ITGB5: variants seen among roughly 807,000 people sequenced by gnomAD.
ITGB5 encodes the protein integrin beta-5.
ITGB5 carries 38 observed loss-of-function variants against 84.8 expected under a neutral mutation model. The observed-to-expected ratio is 0.45, with a 90% CI of 0.35 to 0.59. The LOEUF is 0.59. Among genes scored for constraint, ITGB5 ranks in the 20% least tolerant of loss-of-function variants. The pLI is 0.01. For synonymous variants in ITGB5, 393 were observed against 414.4 expected (o/e 0.95, Z 0.63); for missense variants, 905 against 1,034.5 (o/e 0.87, Z 1.72).
chr3:124,868,178 G>A (rs2065420453), intron 2 of ITGB5, among the ~76,000 whole-genome samples: 1 of 152,172 alleles, frequency 6.6e-6, no homozygotes, highest in South Asian at 2.1e-4. Flanking sequence ...CGAACTGTGA[G>A]TCAATTCAAC....
chr3:124,773,981 C>T, intron 10 of ITGB5, 69 bp from the exon 11 acceptor site: 1 of 1,390,932 alleles, frequency 7.2e-7, no homozygotes, highest in Non-Finnish European at 1.0e-6. Flanking sequence ...CATCTGGTGC[C>T]CCACATGCCA....
At chr3:124,846,887 A>T (rs1313372579) in intron 4 of ITGB5, among the ~76,000 whole-genome samples, 4 of 152,190 alleles carry the variant, frequency 2.6e-5, no homozygotes, top group Non-Finnish European at 5.9e-5. Flanking sequence ...GGGAGCCGAG[A>T]TTGCACCACT....
chr3:124,810,522 C>T (rs752319221), intron 8 of ITGB5, among the ~76,000 whole-genome samples: 1 of 152,056 alleles, frequency 6.6e-6, no homozygotes, highest in East Asian at 1.9e-4. Context: ...CGCTTGAGCC[C>T]AGGAGTTCAA....
At chr3:124,767,537 A>G (rs1319807902) in intron 12 of ITGB5, among the ~76,000 whole-genome samples, 3 of 152,346 alleles carry the variant, frequency 2.0e-5, no homozygotes, top group Middle Eastern at 3.4e-3. Flanking sequence ...TCCTTGGGCC[A>G]CAGGAAGGCA....
At chr3:124,834,411 GAAAGAAAGAAAGAAGGAAAC>G (rs985693462) in intron 5 of ITGB5, among the ~76,000 whole-genome samples, 11 of 141,112 alleles carry the variant, frequency 7.8e-5, no homozygotes, top group South Asian at 2.3e-4. Flanking sequence ...TCTACTGAAA[GAAAGAAAGAAAGAAGGAAAC>G]AAAGAAAGAA....
rs1366535439 is a variant in ITGB5, at chr3:124,764,501, G to A, written c.2194C>T (p.Leu732Phe). The A allele has an allele frequency of 1.9e-6, 3 of 1,613,936 alleles. No homozygotes were observed. Among genetic ancestry groups the A allele is most frequent in the African/African-American group, 2.7e-5 (2 of 74,914 alleles). Residue 732 changes from leucine to phenylalanine, a missense_variant, in exon 14 of 15, where the codon CTC (leucine) becomes TTC (phenylalanine). By Grantham distance (22) the Leu-to-Phe change is conservative (BLOSUM62 0). This residue lies in a region of ITGB5 where 133 missense variants were observed against 122.8 expected (regional missense o/e 1.08). Transcript: ENST00000296181. ...GCCAGGAGTGCAAGCCCAACAAGGA[G>A]GATGCTACCGACCACAGCCAGGAGG... ...TILLAVVGSI[L>F]LVGLALLAIW...
At chr3:124,830,342 G>A (rs1048346673) in intron 5 of ITGB5, among the ~76,000 whole-genome samples, 4 of 152,200 alleles carry the variant, frequency 2.6e-5, no homozygotes, top group Non-Finnish European at 4.4e-5. Flanking sequence ...GAAGCCAACA[G>A]GAGCCAGGAA....
At chr3:124,886,391 T>C (rs1441511853) in intron 1 of ITGB5, among the ~76,000 whole-genome samples, 2 of 152,190 alleles carry the variant, frequency 1.3e-5, no homozygotes, top group East Asian at 3.9e-4. Context: ...GCGGCTAGCC[T>C]AGGCGCAGCG....
At chr3:124,874,232 T>C (rs1034941070) in intron 1 of ITGB5, among the ~76,000 whole-genome samples, 1 of 147,810 alleles carries the variant, frequency 6.8e-6, no homozygotes, top group Non-Finnish European at 1.5e-5. Context: ...GGTGTGGTAG[T>C]GTGCACTTTG....
At chr3:124,823,628 T>A (rs1425429640) in intron 5 of ITGB5, among the ~76,000 whole-genome samples, 1 of 148,872 alleles carries the variant, frequency 6.7e-6, no homozygotes, top group Non-Finnish European at 1.5e-5. Context: ...AGTATATATA[T>A]AAACTATATA....
At chr3:124,866,121 G>A (rs114915840) in intron 2 of ITGB5, among the ~76,000 whole-genome samples, 2,519 of 150,568 alleles carry the variant, frequency 0.017, 33 homozygotes, top group South Asian at 0.04. Context: ...TCAGCCTCCC[G>A]AATAGCTGGG....
At chr3:124,763,762 C>A (rs2150917034) in intron 14 of ITGB5, 44 bp from the exon 15 acceptor site, 2 of 1,182,062 alleles carry the variant, frequency 1.7e-6, no homozygotes, top group East Asian at 2.3e-5. Flanking sequence ...CATGTTAGCT[C>A]ACACACTCAA....
intron 3 of ITGB5, among the ~76,000 whole-genome samples, chr3:124,852,544 TCAACTAG>T (rs1482277587): frequency 6.6e-6 from 1 of 152,130 alleles, no homozygotes; most frequent in East Asian, 1.9e-4. Context: ...TAATCGGGTA[TCAACTAG>T]CATTCTATCT....
chr3:124,839,724 A>C (rs555548727), intron 5 of ITGB5, among the ~76,000 whole-genome samples: 25 of 152,380 alleles, frequency 1.6e-4, no homozygotes, highest in Admixed American at 8.5e-4. Flanking sequence ...TTTCTTTCTG[A>C]ATCAAATTCA....
At chr3:124,769,351 G>A (rs2063810147) in intron 11 of ITGB5, 1 of 468,518 alleles carries the variant, frequency 2.1e-6, no homozygotes, top group East Asian at 3.7e-5. Context: ...TCAGGTTGCA[G>A]ACCTTTCAAA....
Position 124,796,905 on chromosome 3 carries a change from G to A in ITGB5, c.1264-88C>T, listed in dbSNP as rs998562991. On this transcript the variant is annotated intron_variant, in intron 9 of 14. Coordinates refer to ENST00000296181, the MANE Select transcript of ITGB5 (RefSeq NM_002213.5). ...GGGGCAGGGCCCTTGATGAAGAGCA[G>A]CTGCGAACTCCAGCCCTCTCCACGC... 2.3e-5 allele frequency: 30 copies of A among 1,331,250 alleles called. No homozygotes were observed. In the African/African-American group the frequency reaches 3.8e-4, roughly 17 times the overall value. 82.5% of individuals were successfully genotyped at this position (1,331,250 alleles called of 1,614,324 possible).
chr3:124,894,415 G>A (rs565613478), intron 1 of ITGB5: 9 of 152,290 alleles, frequency 5.9e-5, no homozygotes, highest in African/African-American at 2.2e-4. Flanking sequence ...TTACAGGCGT[G>A]AGCCACTGCA....
In ITGB5 at chr3:124,857,996, G is replaced by C. The variant is rs1030819839; in HGVS notation, c.361+1246C>G. 4.6e-5 allele frequency among the ~76,000 whole-genome samples: 7 copies of C among 152,104 alleles called. No homozygotes were observed. In the South Asian group the frequency reaches 1.5e-3, roughly 32 times the overall value. ...TAAAAACACACACACAAAAAAATTAGCTGGGCGTGGTGGTACACATCCAGC... is the reference window on the plus strand; with the variant it reads ...TAAAAACACACACACAAAAAAATTACCTGGGCGTGGTGGTACACATCCAGC... On this transcript the variant is annotated intron_variant, in intron 3 of 14. Transcript: ENST00000296181.
intron 14 of ITGB5, 34 bp downstream of exon 14, chr3:124,764,357 A>C: frequency 6.3e-7 from 1 of 1,584,826 alleles, no homozygotes; most frequent in East Asian, 2.3e-5. Flanking sequence ...CTGAGCTTGA[A>C]GTCTCCTCTG....
Sources: gnomAD v4.1 joint callset for allele counts (sites outside exome capture counted in the v4.1 genomes callset) on GRCh38, gnomAD v4.1.1 for gene constraint, gnomAD v4.1.1 regional missense constraint, MANE v1.5 for transcripts, NCBI Gene and HGNC (gene_info 2026-07-23, HGNC 2026-07-21) for gene names.